The following IL17RA variants were observed in gnomAD, a reference collection of about 807,000 sequenced individuals.
IL17RA encodes the protein interleukin-17 receptor A.
IL17RA carries 34 observed loss-of-function variants against 50.4 expected under a neutral mutation model. The ratio of observed to expected loss-of-function variants is 0.67; its 90% CI spans 0.51 to 0.90. IL17RA has a LOEUF of 0.90. IL17RA is among the 40% of genes least tolerant of loss of function. The probability of loss-of-function intolerance (pLI) is 0.00; values close to 1 mark genes in which losing one functional copy is unlikely to be tolerated. For missense variants in IL17RA, 1,276 were observed against 1,169.8 expected (o/e 1.09, Z -1.32); for synonymous variants, 585 against 510.4 (o/e 1.15, Z -1.97).
At chr22:17,097,165 C>G in intron 2 of IL17RA, 79 bp downstream of exon 2, 3 of 1,344,768 alleles carry the variant, frequency 2.2e-6, no homozygotes, top group Non-Finnish European at 2.1e-6. Context: ...TGACAGAAGT[C>G]TTGCCATGCC....
intron 1 of IL17RA, among the ~76,000 whole-genome samples, chr22:17,087,042 T>G (rs1456957604): frequency 6.6e-6 from 1 of 152,190 alleles, no homozygotes; most frequent in Non-Finnish European, 1.5e-5. Flanking sequence ...TTGTCTGCAG[T>G]CTCTCGTTCT....
chr22:17,103,748 TGTG>T (rs1459349490), intron 8 of IL17RA, among the ~76,000 whole-genome samples, 171 bp downstream of exon 8: 3 of 68,922 alleles, frequency 4.4e-5, no homozygotes, highest in Non-Finnish European at 8.8e-5. Context: ...AGGTGGAGAG[TGTG>T]GTGTGTCTGG....
At chr22:17,090,230 G>T (rs1458347551) in intron 1 of IL17RA, among the ~76,000 whole-genome samples, 1 of 152,086 alleles carries the variant, frequency 6.6e-6, no homozygotes, top group Non-Finnish European at 1.5e-5. Context: ...ACCGTTGTTG[G>T]CCAGGCCAGT....
At chr22:17,095,304 C>G (rs1430161413) in intron 1 of IL17RA, among the ~76,000 whole-genome samples, 2 of 152,138 alleles carry the variant, frequency 1.3e-5, no homozygotes, top group Non-Finnish European at 2.9e-5. Flanking sequence ...TTATATGCAA[C>G]CACAACTATC....
chr22:17,094,675 C>CTATATA (rs1568917420), intron 1 of IL17RA, among the ~76,000 whole-genome samples: 1 of 49,336 alleles, frequency 2.0e-5, no homozygotes, highest in Non-Finnish European at 3.9e-5. Context: ...CTCTCTCTCT[C>CTATATA]TCTCTCTCTC....
chr22:17,104,814 G>A lies in IL17RA; in HGVS notation c.931+4G>A, dbSNP rs1274453372. ...CCAGAAATGCCAGACACTCCAGGTA[G>A]GGGACATGCGGCTGTCCTAGGCCAT... On this transcript the variant is annotated splice_donor_region_variant and intron_variant, in intron 9 of 12. Transcript: ENST00000319363. 2 of 1,612,610 alleles carry A rather than the reference G, an allele frequency of 1.2e-6. No homozygotes were observed. Among genetic ancestry groups the A allele is most frequent in the African/African-American group, 1.4e-5 (1 of 73,802 alleles).
At chr22:17,098,281 T>A (rs1054756901) in intron 3 of IL17RA, among the ~76,000 whole-genome samples, 1 of 152,218 alleles carries the variant, frequency 6.6e-6, no homozygotes, top group African/African-American at 2.4e-5. Context: ...ACCTGTTCCC[T>A]GAATTTAGGG....
At chr22:17,094,526 T>A (rs1011225971) in intron 1 of IL17RA, among the ~76,000 whole-genome samples, 4 of 150,614 alleles carry the variant, frequency 2.7e-5, no homozygotes, top group Non-Finnish European at 4.4e-5. Context: ...TGTATATTTT[T>A]CAGTTTTGAT....
intron 1 of IL17RA, among the ~76,000 whole-genome samples, chr22:17,090,288 T>C (rs1440557881): frequency 6.6e-6 from 1 of 152,204 alleles, no homozygotes; most frequent in African/African-American, 2.4e-5. Context: ...CCTCCCAAAG[T>C]GCTAGGATTA....
intron 1 of IL17RA, among the ~76,000 whole-genome samples, chr22:17,094,266 C>A (rs1351120320): frequency 6.6e-6 from 1 of 152,072 alleles, no homozygotes; most frequent in Non-Finnish European, 1.5e-5. Flanking sequence ...GGATTACACG[C>A]ATGAGCCACT....
At chr22:17,100,555 C>A in intron 5 of IL17RA, 74 bp downstream of exon 5, 1 of 1,570,888 alleles carries the variant, frequency 6.4e-7, no homozygotes, top group Non-Finnish European at 8.7e-7. Context: ...GCACAGATGC[C>A]AGCCCCCCTG....
intron 7 of IL17RA, among the ~76,000 whole-genome samples, chr22:17,103,293 C>T (rs564467429): frequency 6.6e-6 from 1 of 152,188 alleles, no homozygotes; most frequent in Non-Finnish European, 1.5e-5. Flanking sequence ...AGTTACTACA[C>T]GTACTTAAGG....
intron 1 of IL17RA, among the ~76,000 whole-genome samples, chr22:17,094,652 A>ACTCTCTCTCTCTCTCTCT (rs1307011752): frequency 2.3e-4 from 4 of 17,762 alleles, no homozygotes; most frequent in African/African-American, 1.5e-3. Flanking sequence ...TTAGTCATAC[A>ACTCTCTCTCTCTCTCTCT]CACACTCTCT....
At chr22:17,101,085 G>A (rs2061389601) in intron 5 of IL17RA, among the ~76,000 whole-genome samples, 1 of 152,116 alleles carries the variant, frequency 6.6e-6, no homozygotes, top group Non-Finnish European at 1.5e-5. Context: ...ATAGGGTCTT[G>A]CTTTGTCACC....
intron 7 of IL17RA, among the ~76,000 whole-genome samples, chr22:17,102,569 T>C (rs1236067871): frequency 1.3e-5 from 2 of 151,830 alleles, no homozygotes; most frequent in Non-Finnish European, 2.9e-5. Flanking sequence ...CTTTTTGTTT[T>C]GCTTTGTTTA....
rs1283786087 is a variant in IL17RA at position 17,108,791 on chromosome 22, G to A, written c.1572G>A (p.Pro524=). The change falls in exon 13 of 13, where the codon CCG becomes CCA. Residue 524 remains proline (P), a synonymous_variant. Transcript: ENST00000319363. ...PDLFGAAPRY[P]LMDRFEEVYF... ...TGTTCGGCGCGGCGCCGCGGTACCC[G>A]CTCATGGACAGGTTCGAGGAGGTGT... 9 of 1,607,754 alleles carry A rather than the reference G, an allele frequency of 5.6e-6. No individual in the cohort carries two copies. Among genetic ancestry groups the A allele is most frequent in the South Asian group, 3.3e-5 (3 of 90,370 alleles).
chr22:17,114,710 A>G lies in IL17RA; in HGVS notation c.*4890A>G, dbSNP rs2061459825. 6.6e-6 allele frequency: 1 copy of G among 152,216 alleles called. No individual in the cohort carries two copies. The highest frequency in any genetic ancestry group is 1.5e-5 in the Non-Finnish European group (1 of 68,066). 9.4% of individuals were successfully genotyped at this position (152,216 alleles called of 1,614,324 possible). On this transcript the variant is annotated 3_prime_UTR_variant, in exon 13 of 13. Coordinates refer to ENST00000319363, the MANE Select transcript of IL17RA (RefSeq NM_014339.7). ...TGGGATTCTCTCAGAAGATGAAAAC[A>G]GCCCCTGCTTTTTTGCTAGAATGGC...
At chr22:17,102,873 G>A (rs1195995792) in intron 7 of IL17RA, among the ~76,000 whole-genome samples, 1 of 151,026 alleles carries the variant, frequency 6.6e-6, no homozygotes, top group African/African-American at 2.5e-5. Context: ...CAGGCACAGT[G>A]GTTCACGCCT....
chr22:17,110,481 G>C lies in IL17RA; in HGVS notation c.*661G>C, dbSNP rs1219169749. 1 of 138,560 alleles carries C rather than the reference G, an allele frequency of 7.2e-6. No homozygotes were observed. The highest frequency in any genetic ancestry group is 2.8e-5 in the African/African-American group (1 of 35,144). The allele number at this position is 138,560 out of a possible 1,614,324, so 8.6% of individuals were successfully genotyped here. ...CCATTGCACTGCAGCCTGGATGACA[G>C]AGCGAGACTCTATCTCAAAAAAAAA... On this transcript the variant is annotated 3_prime_UTR_variant, in exon 13 of 13. Coordinates refer to ENST00000319363, the MANE Select transcript of IL17RA (RefSeq NM_014339.7).
Sources: allele counts gnomAD v4.1 joint callset (sites outside exome capture counted in the v4.1 genomes callset), GRCh38; gene constraint gnomAD v4.1.1; transcripts MANE v1.5; gene names NCBI Gene and HGNC (gene_info 2026-07-23, HGNC 2026-07-21).